Variants in TRPM1 observed in about 807,000 individuals in gnomAD.
The protein encoded by TRPM1 is TRPM1-203 APA Isoform, Intron 10.
Under a neutral mutation model 149.4 loss-of-function variants are expected in TRPM1, and 113 were observed. The observed-to-expected ratio is 0.76, with a 90% CI of 0.65 to 0.88. TRPM1 has a LOEUF of 0.88. Among genes scored for constraint, TRPM1 ranks in the 40% least tolerant of loss-of-function variants. TRPM1 has a pLI of 0.00. For synonymous variants in TRPM1, 741 were observed against 759.5 expected (o/e 0.98, Z 0.40); for missense variants, 1,976 against 2,038.7 (o/e 0.97, Z 0.59).
intron 3 of TRPM1, among the ~76,000 whole-genome samples, chr15:31,071,801 C>A (rs916527435): frequency 3.3e-5 from 5 of 150,992 alleles, no homozygotes; most frequent in Admixed American, 1.3e-4. Flanking sequence ...CCGTCTCCAC[C>A]ATAAACACAA....
intron 7 of TRPM1, among the ~76,000 whole-genome samples, chr15:31,065,812 G>A (rs2034358780): frequency 6.6e-6 from 1 of 152,192 alleles, no homozygotes; most frequent in Admixed American, 6.5e-5. Context: ...TGGGCAACAG[G>A]GTGGGCAAGG....
At chr15:31,029,277 G>A (rs1026335278) in intron 24 of TRPM1, 94 bp downstream of exon 24, 88 of 1,335,900 alleles carry the variant, frequency 6.6e-5, no homozygotes, top group Non-Finnish European at 8.7e-5. Flanking sequence ...AGAAGTATTT[G>A]AAAACAGTTT....
chr15:31,098,174 G>A (rs1415203008), intron 1 of TRPM1, among the ~76,000 whole-genome samples: 1 of 152,166 alleles, frequency 6.6e-6, no homozygotes, highest in East Asian at 1.9e-4. Flanking sequence ...GGTGGCTCAC[G>A]CCTGTAATCC....
chr15:31,066,846 C>T (rs545304202), intron 6 of TRPM1, among the ~76,000 whole-genome samples: 3 of 152,118 alleles, frequency 2.0e-5, no homozygotes, highest in South Asian at 4.2e-4. Flanking sequence ...GAGGGATCCT[C>T]GTGTTGATGG....
At chr15:31,052,348 C>T (rs537709939) in intron 11 of TRPM1, among the ~76,000 whole-genome samples, 4 of 152,234 alleles carry the variant, frequency 2.6e-5, no homozygotes, top group African/African-American at 7.2e-5. Context: ...AGAGTGACAC[C>T]GCATCCAACA....
chr15:31,070,356 C>A lies in TRPM1; in HGVS notation c.84-130G>T, dbSNP rs761598650. 4.6e-6 allele frequency: 4 copies of A among 867,266 alleles called. No individual in the cohort carries two copies. In the Admixed American group the frequency reaches 7.4e-5, roughly 16 times the overall value. The allele number at this position is 867,266 out of a possible 1,614,324, so 53.7% of individuals were successfully genotyped here. A position where few individuals can be genotyped will look rare whatever the true frequency, so the allele number is the denominator to read the frequency against. On this transcript the variant is annotated intron_variant, in intron 3 of 27. Coordinates refer to ENST00000256552, the MANE Select transcript of TRPM1 (RefSeq NM_001252024.2). ...GCCTACTAACACTTCAGTAAGCCAGCGTTATTAGGGACAGAAATGCCCCAT... is the reference window on the plus strand; with the variant it reads ...GCCTACTAACACTTCAGTAAGCCAGAGTTATTAGGGACAGAAATGCCCCAT...
intron 1 of TRPM1, among the ~76,000 whole-genome samples, chr15:31,114,073 A>G (rs1410592221): frequency 6.6e-6 from 1 of 151,938 alleles, no homozygotes; most frequent in African/African-American, 2.4e-5. Context: ...CTCTAGCTAG[A>G]CAGAAAAGTT....
At chr15:31,004,532 T>G (rs888384176) in intron 27 of TRPM1, among the ~76,000 whole-genome samples, 1 of 152,146 alleles carries the variant, frequency 6.6e-6, no homozygotes, top group African/African-American at 2.4e-5. Flanking sequence ...GCTTCTATTC[T>G]TAACTCTTTT....
intron 1 of TRPM1, among the ~76,000 whole-genome samples, chr15:31,122,816 A>AG (rs1205951601): frequency 2.0e-5 from 3 of 152,228 alleles, no homozygotes; most frequent in Admixed American, 6.5e-5. Context: ...TATTTGGGTC[A>AG]GGGGGGATAC....
At chr15:31,083,005 G>A (rs2034902961) in intron 1 of TRPM1, among the ~76,000 whole-genome samples, 1 of 152,122 alleles carries the variant, frequency 6.6e-6, no homozygotes, top group Non-Finnish European at 1.5e-5. Context: ...GGTACAGGAA[G>A]GTGCAGGGGG....
At chr15:31,156,721 C>T (rs986948827) in intron 1 of TRPM1, among the ~76,000 whole-genome samples, 1 of 152,144 alleles carries the variant, frequency 6.6e-6, no homozygotes, top group African/African-American at 2.4e-5. Flanking sequence ...AGTGCCTGGG[C>T]GCATGTTCTC....
At chr15:31,093,944 T>C (rs1424480914) in intron 1 of TRPM1, among the ~76,000 whole-genome samples, 1 of 152,134 alleles carries the variant, frequency 6.6e-6, no homozygotes, top group African/African-American at 2.4e-5. Context: ...AGAGGACTCA[T>C]ATTTTCTGAT....
intron 11 of TRPM1, among the ~76,000 whole-genome samples, chr15:31,055,655 G>A (rs550135407): frequency 6.6e-6 from 1 of 152,272 alleles, no homozygotes; most frequent in South Asian, 2.1e-4. Flanking sequence ...AGAATAGGGA[G>A]GCCCAGAGCC....
intron 12 of TRPM1, among the ~76,000 whole-genome samples, chr15:31,049,887 G>A (rs1372317029): frequency 6.6e-6 from 1 of 152,176 alleles, no homozygotes; most frequent in Non-Finnish European, 1.5e-5. Context: ...GTGAGTGACT[G>A]TGATAAGGGC....
chr15:31,035,285 C>T (rs746764826), intron 21 of TRPM1, among the ~76,000 whole-genome samples: 25 of 152,174 alleles, frequency 1.6e-4, no homozygotes, highest in Admixed American at 2.6e-4. Context: ...GCATTACAGG[C>T]GTGCACCACC....
chr15:31,088,205 T>C (rs181140367), intron 1 of TRPM1, among the ~76,000 whole-genome samples: 24 of 152,232 alleles, frequency 1.6e-4, no homozygotes, highest in African/African-American at 5.8e-4. Flanking sequence ...AACGGACCAA[T>C]CAGCACTCTT....
At chr15:31,139,980 A>G (rs192770129) in intron 1 of TRPM1, among the ~76,000 whole-genome samples, 202 of 152,344 alleles carry the variant, frequency 1.3e-3, no homozygotes, top group Non-Finnish European at 2.5e-3. Context: ...TTTCTAAGTT[A>G]AAACACTGAA....
chr15:31,089,055 A>G (rs2035128332), intron 1 of TRPM1, among the ~76,000 whole-genome samples: 2 of 152,234 alleles, frequency 1.3e-5, no homozygotes, highest in Non-Finnish European at 2.9e-5. Context: ...TCCAGTAATT[A>G]GGATAAGTAA....
At chr15:31,005,436 A>G (rs2031953807) in intron 27 of TRPM1, among the ~76,000 whole-genome samples, 1 of 152,032 alleles carries the variant, frequency 6.6e-6, no homozygotes, top group Non-Finnish European at 1.5e-5. Context: ...TCTCCCTTAT[A>G]CTAACTCCCT....
Sources: allele counts gnomAD v4.1 joint callset (sites outside exome capture counted in the v4.1 genomes callset), GRCh38; gene constraint gnomAD v4.1.1; transcripts MANE v1.5; gene names NCBI Gene and HGNC (gene_info 2026-07-23, HGNC 2026-07-21).